The following NTNG2 variants were observed in gnomAD, a reference collection of about 807,000 sequenced individuals.
NTNG2 encodes the protein netrin-G2.
NTNG2 carries 15 observed loss-of-function variants against 47.6 expected under a neutral mutation model. The observed-to-expected ratio is 0.32, with a 90% CI of 0.21 to 0.49. The LOEUF is 0.49. Among genes scored for constraint, NTNG2 ranks in the 20% least tolerant of loss-of-function variants. NTNG2 has a pLI of 0.99. For missense variants in NTNG2, 578 were observed against 764.6 expected, an observed-to-expected ratio of 0.76 and a Z score of 2.88; for synonymous variants, 307 against 324.6, an observed-to-expected ratio of 0.95 and a Z score of 0.58.
At chr9:132,240,718 G>A (rs1338247983) in intron 6 of NTNG2, 192 bp from the exon 7 acceptor site, 1 of 720,440 alleles carries the variant, frequency 1.4e-6, no homozygotes, top group East Asian at 2.7e-5. Context: ...GGAAGCCAGA[G>A]TCTTCTCTCC....
intron 2 of NTNG2, among the ~76,000 whole-genome samples, chr9:132,170,962 T>A (rs1589364285): frequency 6.6e-6 from 1 of 151,952 alleles, no homozygotes; most frequent in Admixed American, 6.6e-5. Context: ...GGTCTGTGGG[T>A]CCCATGGGGT....
In NTNG2 at chr9:132,182,869, A is replaced by T. The variant is rs926037077; in HGVS notation, c.214-15097A>T. ...GGGGTGCACACTGGACTTGCCTGGG[A>T]GCTTTTCATTCCCCCCCTGCCGCAG... On this transcript the variant is annotated intron_variant, in intron 2 of 7. Coordinates refer to ENST00000393229, the MANE Select transcript of NTNG2 (RefSeq NM_032536.4). The surrounding 1 kb of genome is among the most constrained non-coding windows in gnomAD (Gnocchi z 4.2). 1.3e-5 allele frequency among the ~76,000 whole-genome samples: 2 copies of T among 151,974 alleles called. No homozygotes were observed. The highest frequency in any genetic ancestry group is 1.3e-4 in the Admixed American group (2 of 15,266).
At chr9:132,179,550 T>C (rs1836767564) in intron 2 of NTNG2, among the ~76,000 whole-genome samples, 1 of 152,176 alleles carries the variant, frequency 6.6e-6, no homozygotes, top group Admixed American at 6.5e-5. Flanking sequence ...CCGGCGATCA[T>C]GGTGCTGGGT....
chr9:132,165,539 A>G (rs1835449773), intron 1 of NTNG2, among the ~76,000 whole-genome samples: 1 of 152,126 alleles, frequency 6.6e-6, no homozygotes, highest in African/African-American at 2.4e-5. Flanking sequence ...TGTGCCTATG[A>G]TTGGGGGGCT....
At chr9:132,184,185 C>T (rs1837158250) in intron 2 of NTNG2, among the ~76,000 whole-genome samples, 1 of 152,150 alleles carries the variant, frequency 6.6e-6, no homozygotes, top group Non-Finnish European at 1.5e-5. Flanking sequence ...TTTCATCGGC[C>T]CCACCGCCTC....
chr9:132,209,485 A>G (rs1186156920), intron 3 of NTNG2, among the ~76,000 whole-genome samples: 2 of 152,136 alleles, frequency 1.3e-5, no homozygotes, highest in Non-Finnish European at 2.9e-5. Context: ...CAGCCCTGAG[A>G]TCAGAGACAG....
intron 3 of NTNG2, among the ~76,000 whole-genome samples, chr9:132,223,204 AG>A (rs1374090550): frequency 6.6e-6 from 1 of 152,200 alleles, no homozygotes; most frequent in African/African-American, 2.4e-5. Flanking sequence ...GACCCCAAGG[AG>A]GAAGGCAGCC....
chr9:132,210,138 A>G (rs1839485452), intron 3 of NTNG2, among the ~76,000 whole-genome samples: 1 of 152,102 alleles, frequency 6.6e-6, no homozygotes, highest in Admixed American at 6.5e-5. Context: ...TGTCCTGAGT[A>G]AAGAGTGGCA....
At chr9:132,189,092 T>TTTTTTTTTTTTTTTTTTTTTTTTTG (rs1837651788) in intron 2 of NTNG2, among the ~76,000 whole-genome samples, 1 of 140,524 alleles carries the variant, frequency 7.1e-6, no homozygotes, top group Admixed American at 7.1e-5. Flanking sequence ...TTTTTTTTTT[T>TTTTTTTTTTTTTTTTTTTTTTTTTG]TTTAGACAGG....
chr9:132,182,880 C>T lies in NTNG2; in HGVS notation c.214-15086C>T, dbSNP rs558688237. ...TGGACTTGCCTGGGAGCTTTTCATT[C>T]CCCCCCTGCCGCAGCTGCCCCCCAG... On this transcript the variant is annotated intron_variant, in intron 2 of 7. Coordinates refer to ENST00000393229, the MANE Select transcript of NTNG2 (RefSeq NM_032536.4). The surrounding 1 kb of genome is among the most constrained non-coding windows in gnomAD (Gnocchi z 4.2). 3.7e-4 allele frequency among the ~76,000 whole-genome samples: 56 copies of T among 152,068 alleles called. No homozygotes were observed. The highest frequency in any genetic ancestry group is 3.4e-3 in the Admixed American group (52 of 15,280).
chr9:132,241,328 G>A (rs1368769049), intron 7 of NTNG2: 2 of 498,706 alleles, frequency 4.0e-6, no homozygotes, highest in East Asian at 3.7e-5. Flanking sequence ...ACCCGGGGGC[G>A]GTGGACGGGG....
At chr9:132,241,840 G>A (rs966762556) in intron 7 of NTNG2, 36 bp from the exon 8 acceptor site, 1 of 1,453,458 alleles carries the variant, frequency 6.9e-7, no homozygotes, top group Admixed American at 2.0e-5. Flanking sequence ...GGGGGACCGG[G>A]CCACCCCCCG....
At chr9:132,224,907 A>G (rs915577530) in intron 3 of NTNG2, among the ~76,000 whole-genome samples, 1 of 151,788 alleles carries the variant, frequency 6.6e-6, no homozygotes, top group Non-Finnish European at 1.5e-5. Context: ...AAATATTTCT[A>G]TGTGTATCTC....
chr9:132,180,731 C>T lies in NTNG2; in HGVS notation c.213+13687C>T, dbSNP rs1439295189. On this transcript the variant is annotated intron_variant, in intron 2 of 7. Coordinates refer to ENST00000393229, the MANE Select transcript of NTNG2 (RefSeq NM_032536.4). This position sits in a 1 kb window ranked among gnomAD's most constrained non-coding sequence, Gnocchi z 4.2. ...AAGAACGATAGAGAGATGCAATAAC[C>T]TCCCAGCATCCAGGAAGACCCAGAG... is the stretch of plus-strand genomic sequence containing the variant. Among the ~76,000 whole-genome samples the T allele has an allele frequency of 6.6e-6, 1 of 152,228 alleles. No individual in the cohort carries two copies. Among genetic ancestry groups the T allele is most frequent in the Non-Finnish European group, 1.5e-5 (1 of 68,034 alleles).
intron 4 of NTNG2, 75 bp from the exon 5 acceptor site, chr9:132,230,492 CTGCTG>C (rs1841117387): frequency 2.9e-6 from 4 of 1,389,656 alleles, no homozygotes; most frequent in Non-Finnish European, 4.0e-6. Flanking sequence ...CTCCCCTGCC[CTGCTG>C]GCCCCTCTGC....
At chr9:132,168,021 TAA>T (rs1835624401) in intron 2 of NTNG2, among the ~76,000 whole-genome samples, 1 of 152,290 alleles carries the variant, frequency 6.6e-6, no homozygotes, top group Non-Finnish European at 1.5e-5. Flanking sequence ...TTAACGTAGG[TAA>T]AGTGTTCGGA....
Position 132,226,840 on chromosome 9 carries a change from T to G in NTNG2, c.858-9T>G. The G allele has an allele frequency of 2.5e-6, 4 of 1,578,272 alleles. No individual in the cohort carries two copies. The Admixed American group carries it at 5.5e-5, about 22-fold the overall frequency. On this transcript the variant is annotated splice_polypyrimidine_tract_variant and intron_variant, in intron 3 of 7. Transcript: ENST00000393229. The surrounding 1 kb of genome is among the most constrained non-coding windows in gnomAD (Gnocchi z 4.8). ...CTCTGACATCTCTGCCCTCTCGGTG[T>G]CTCCCCAGGTGCAAGTGCAACCTGC... is the stretch of plus-strand genomic sequence containing the variant.
chr9:132,164,819 A>T (rs1163407706), intron 1 of NTNG2, among the ~76,000 whole-genome samples: 2 of 152,204 alleles, frequency 1.3e-5, no homozygotes, highest in African/African-American at 4.8e-5. Flanking sequence ...CCTAACTCAG[A>T]TGAATGAGTC....
intron 4 of NTNG2, among the ~76,000 whole-genome samples, chr9:132,230,245 G>A (rs1334233466): frequency 1.3e-5 from 2 of 152,248 alleles, no homozygotes; most frequent in Non-Finnish European, 2.9e-5. Flanking sequence ...AGGAGTGCGT[G>A]TGAAGCTCCC....
Sources: allele counts gnomAD v4.1 joint callset (sites outside exome capture counted in the v4.1 genomes callset), GRCh38; gene constraint gnomAD v4.1.1; non-coding constraint Gnocchi (gnomAD v3.1); transcripts MANE v1.5; gene names NCBI Gene and HGNC (gene_info 2026-07-23, HGNC 2026-07-21).